Variants in RSRC1 observed in about 807,000 individuals in gnomAD.
The protein encoded by RSRC1 is serine/Arginine-related protein 53.
A neutral mutation model predicts 49.1 loss-of-function variants in RSRC1; 39 were observed. The observed-to-expected ratio is 0.79, with a 90% confidence interval of 0.61 to 1.04. The LOEUF is 1.04. Among genes scored for constraint, RSRC1 ranks in the 50% least tolerant of loss-of-function variants. The probability of loss-of-function intolerance (pLI) is 0.00; values close to 1 mark genes in which losing one functional copy is unlikely to be tolerated. For missense variants in RSRC1, 388 were observed against 402.4 expected, an observed-to-expected ratio of 0.96 and a Z score of 0.31; for synonymous variants, 143 against 130.8, an observed-to-expected ratio of 1.09 and a Z score of -0.63.
At chr3:158,468,393 TC>T (rs1463030142) in intron 7 of RSRC1, among the ~76,000 whole-genome samples, 2 of 152,242 alleles carry the variant, frequency 1.3e-5, no homozygotes, top group Non-Finnish European at 2.9e-5. Context: ...AGCAGCATTA[TC>T]TTGATTCTGT....
At chr3:158,495,441 T>C (rs1208149771) in intron 7 of RSRC1, among the ~76,000 whole-genome samples, 1 of 152,038 alleles carries the variant, frequency 6.6e-6, no homozygotes, top group African/African-American at 2.4e-5. Flanking sequence ...TGTGCCATCA[T>C]GCCTGGCTAA....
At chr3:158,409,851 G>A (rs547857070) in intron 6 of RSRC1, among the ~76,000 whole-genome samples, 54 of 152,086 alleles carry the variant, frequency 3.6e-4, no homozygotes, top group African/African-American at 1.3e-3. Context: ...TCTGTAAATC[G>A]GATCCTATTA....
intron 6 of RSRC1, among the ~76,000 whole-genome samples, chr3:158,440,065 A>T (rs1378941082): frequency 6.6e-6 from 1 of 152,016 alleles, no homozygotes; most frequent in African/African-American, 2.4e-5. Flanking sequence ...GCAAACTACC[A>T]TGGCACGTGT....
At chr3:158,521,360 C>G (rs942358931) in intron 7 of RSRC1, among the ~76,000 whole-genome samples, 4 of 152,062 alleles carry the variant, frequency 2.6e-5, no homozygotes, top group Non-Finnish European at 5.9e-5. Context: ...TTCGGAACCC[C>G]TTGTCCTGCC....
chr3:158,212,258 GATAACAT>G (rs1253365032), intron 4 of RSRC1, among the ~76,000 whole-genome samples: 1 of 151,680 alleles, frequency 6.6e-6, no homozygotes, highest in Non-Finnish European at 1.5e-5. Flanking sequence ...ATGTAAAAGT[GATAACAT>G]TGCATTTTTT....
intron 6 of RSRC1, among the ~76,000 whole-genome samples, chr3:158,438,743 C>G (rs1736192532): frequency 6.6e-6 from 1 of 152,174 alleles, no homozygotes; most frequent in African/African-American, 2.4e-5. Context: ...CATTACCATT[C>G]AGGACATAGG....
In RSRC1 at chr3:158,342,423, G is replaced by A. The variant is rs576020586; in HGVS notation, c.532-12434G>A. On this transcript the variant is annotated intron_variant, in intron 5 of 9. Coordinates refer to ENST00000611884, the MANE Select transcript of RSRC1 (RefSeq NM_001271838.2). ...CACGAGATCTGATGAGTTTATCAGGGGTTTCTGCTTTTGCTTCCTCCTCAT... is the reference window on the plus strand; with the variant it reads ...CACGAGATCTGATGAGTTTATCAGGAGTTTCTGCTTTTGCTTCCTCCTCAT... Among the ~76,000 whole-genome samples the A allele has an allele frequency of 6.6e-5, 10 of 152,196 alleles. No homozygotes were observed. The South Asian group carries it at 1.9e-3, about 28-fold the overall frequency.
chr3:158,516,405 G>A (rs1279173821), intron 7 of RSRC1, among the ~76,000 whole-genome samples: 2 of 152,280 alleles, frequency 1.3e-5, no homozygotes, highest in East Asian at 3.9e-4. Flanking sequence ...CAGTTAGGCT[G>A]CTCGGGGGTC....
intron 7 of RSRC1, among the ~76,000 whole-genome samples, chr3:158,500,487 T>C (rs1484443851): frequency 1.3e-5 from 2 of 152,126 alleles, no homozygotes; most frequent in African/African-American, 4.8e-5. Flanking sequence ...GTCCTTCTGG[T>C]CCTGGGCTTT....
intron 7 of RSRC1, among the ~76,000 whole-genome samples, chr3:158,478,717 T>C (rs1738485864): frequency 6.6e-6 from 1 of 152,012 alleles, no homozygotes; most frequent in African/African-American, 2.4e-5. Context: ...CTTGGAACAT[T>C]TTCTAAAGAG....
chr3:158,328,522 G>C (rs978863872), intron 5 of RSRC1, among the ~76,000 whole-genome samples: 2 of 152,100 alleles, frequency 1.3e-5, no homozygotes, highest in Non-Finnish European at 2.9e-5. Flanking sequence ...TGAAATCCTG[G>C]GTTGAAAATT....
intron 5 of RSRC1, among the ~76,000 whole-genome samples, chr3:158,330,247 C>T (rs893258600): frequency 6.6e-6 from 1 of 152,218 alleles, no homozygotes; most frequent in Non-Finnish European, 1.5e-5. Context: ...TGTCCTGCCC[C>T]CACTGTCTGA....
At chr3:158,173,671 G>A (rs1057248833) in intron 3 of RSRC1, among the ~76,000 whole-genome samples, 1 of 151,878 alleles carries the variant, frequency 6.6e-6, no homozygotes, top group African/African-American at 2.4e-5. Context: ...AATGTTCTCA[G>A]CAGCATTATT....
At chr3:158,259,867 G>T (rs996344267) in intron 4 of RSRC1, among the ~76,000 whole-genome samples, 1 of 152,156 alleles carries the variant, frequency 6.6e-6, no homozygotes, top group Non-Finnish European at 1.5e-5. Context: ...CTGCCGCAGG[G>T]CTGTGGTGAG....
At chr3:158,314,062 C>T (rs1018772057) in intron 5 of RSRC1, among the ~76,000 whole-genome samples, 1 of 152,158 alleles carries the variant, frequency 6.6e-6, no homozygotes, top group African/African-American at 2.4e-5. Flanking sequence ...TTACGAGTAA[C>T]TTGTGCCACA....
rs140255141 is a variant in RSRC1, at chr3:158,365,193, C to T, written c.583+10285C>T. Among the ~76,000 whole-genome samples the T allele has an allele frequency of 4.6e-3, 700 of 151,994 alleles. 6 individuals carry two copies. Among genetic ancestry groups the T allele is most frequent in the African/African-American group, 0.016 (664 of 41,458 alleles). ...ACTTTAAGTTCTGGGATACATGTGC[C>T]GAACATGCAGATTTGTTACATAGGT... On this transcript the variant is annotated intron_variant, in intron 6 of 9. Transcript: ENST00000611884.
At chr3:158,133,175 T>C (rs115326099) in intron 3 of RSRC1, among the ~76,000 whole-genome samples, 2,388 of 152,302 alleles carry the variant, frequency 0.016, 84 homozygotes, top group African/African-American at 0.055. Flanking sequence ...GAAACAGTTA[T>C]TGAATTTTAA....
intron 7 of RSRC1, among the ~76,000 whole-genome samples, chr3:158,532,394 C>A (rs1712451141): frequency 6.6e-6 from 1 of 151,744 alleles, no homozygotes; most frequent in South Asian, 2.1e-4. Flanking sequence ...CTAAAATTTT[C>A]TTTTCAAATG....
intron 3 of RSRC1, among the ~76,000 whole-genome samples, chr3:158,145,600 G>T (rs1160152368): frequency 6.6e-6 from 1 of 152,172 alleles, no homozygotes; most frequent in Non-Finnish European, 1.5e-5. Context: ...GCTTAGGATT[G>T]ACTTGGCAAT....
Sources: allele counts gnomAD v4.1 joint callset (sites outside exome capture counted in the v4.1 genomes callset), GRCh38; gene constraint gnomAD v4.1.1; transcripts MANE v1.5; gene names NCBI Gene and HGNC (gene_info 2026-07-23, HGNC 2026-07-21).